The following CHSY3 variants were observed in gnomAD, a reference collection of about 807,000 sequenced individuals.
The protein encoded by CHSY3 is chondroitin sulfate synthase 3.
Under a neutral mutation model 67.2 loss-of-function variants are expected in CHSY3, and 35 were observed. That is an observed-to-expected ratio of 0.52 (90% CI 0.40 to 0.69). The LOEUF (loss-of-function observed/expected upper bound fraction) is 0.69, where lower values mean the gene tolerates loss of function less well. Ranked by LOEUF, CHSY3 falls within the 30% of genes least tolerant of loss-of-function variation. The pLI, the probability that CHSY3 is intolerant of heterozygous loss-of-function variation, is 0.00. For missense variants in CHSY3, 1,069 were observed against 1,138.5 expected (o/e 0.94, Z 0.88); for synonymous variants, 474 against 434.7 (o/e 1.09, Z -1.12).
intron 2 of CHSY3, among the ~76,000 whole-genome samples, chr5:130,057,916 G>C (rs1342357811): frequency 2.6e-5 from 4 of 152,098 alleles, no homozygotes; most frequent in Admixed American, 2.6e-4. Flanking sequence ...GAGAGAGAGA[G>C]AGAGAGAGAC....
intron 2 of CHSY3, among the ~76,000 whole-genome samples, chr5:130,015,491 C>T (rs1764194192): frequency 6.6e-6 from 1 of 152,158 alleles, no homozygotes; most frequent in Admixed American, 6.5e-5. Flanking sequence ...AAAAAATGTT[C>T]AGCGTCACTG....
intron 2 of CHSY3, among the ~76,000 whole-genome samples, chr5:129,953,964 G>A (rs1226893475): frequency 6.6e-6 from 1 of 152,040 alleles, no homozygotes; most frequent in Non-Finnish European, 1.5e-5. Context: ...CTTTTGCTGT[G>A]CAAAAGCTCT....
intron 2 of CHSY3, among the ~76,000 whole-genome samples, chr5:129,972,023 G>A (rs1762653883): frequency 6.6e-6 from 1 of 152,022 alleles, no homozygotes; most frequent in Non-Finnish European, 1.5e-5. Flanking sequence ...ACTTCTAACT[G>A]TGCCTTGTTT....
intron 2 of CHSY3, among the ~76,000 whole-genome samples, chr5:130,019,769 G>A (rs1014769685): frequency 1.3e-5 from 2 of 152,098 alleles, no homozygotes; most frequent in African/African-American, 2.4e-5. Flanking sequence ...TTTGAGCAAC[G>A]ACTAAAGGTT....
intron 2 of CHSY3, among the ~76,000 whole-genome samples, chr5:130,145,144 G>A (rs1311105283): frequency 6.6e-6 from 1 of 152,138 alleles, no homozygotes; most frequent in Non-Finnish European, 1.5e-5. Context: ...CCTCCCACCA[G>A]CCTCCACCTC....
chr5:129,944,178 G>C (rs1761779306), intron 2 of CHSY3, among the ~76,000 whole-genome samples: 1 of 152,180 alleles, frequency 6.6e-6, no homozygotes, highest in African/African-American at 2.4e-5. Flanking sequence ...CTGACATAAA[G>C]GTCTCCTTAC....
chr5:130,135,301 G>C (rs1355447000), intron 2 of CHSY3, among the ~76,000 whole-genome samples: 1 of 151,504 alleles, frequency 6.6e-6, no homozygotes. Flanking sequence ...CACACACCCT[G>C]TGCTGTACTT....
chr5:130,156,993 C>A (rs1272743053), intron 2 of CHSY3, among the ~76,000 whole-genome samples: 1 of 152,190 alleles, frequency 6.6e-6, no homozygotes, highest in Non-Finnish European at 1.5e-5. Flanking sequence ...TTTTCTAAAT[C>A]ACTTGGCTGG....
chr5:130,091,569 A>T (rs1766882042), intron 2 of CHSY3, among the ~76,000 whole-genome samples: 1 of 152,162 alleles, frequency 6.6e-6, no homozygotes, highest in Non-Finnish European at 1.5e-5. Context: ...TAGAACAAGA[A>T]CATGAATGGC....
intron 2 of CHSY3, among the ~76,000 whole-genome samples, chr5:129,918,683 GTTCCAGCATA>G (rs940476054): frequency 2.0e-5 from 3 of 152,102 alleles, no homozygotes; most frequent in Non-Finnish European, 4.4e-5. Context: ...AATGTGTTTG[GTTCCAGCATA>G]TGTACAGGTG....
At chr5:130,094,291 A>G (rs979397050) in intron 2 of CHSY3, among the ~76,000 whole-genome samples, 1 of 152,190 alleles carries the variant, frequency 6.6e-6, no homozygotes, top group Non-Finnish European at 1.5e-5. Context: ...CCCTAAAAAA[A>G]TCTACGGTGT....
chr5:129,997,107 T>C (rs1290634401), intron 2 of CHSY3, among the ~76,000 whole-genome samples: 1 of 138,466 alleles, frequency 7.2e-6, no homozygotes, highest in Non-Finnish European at 1.6e-5. Flanking sequence ...ATTTCTCAGA[T>C]GATTCAAAGC....
At chr5:130,030,731 G>T (rs1201311670) in intron 2 of CHSY3, among the ~76,000 whole-genome samples, 1 of 151,998 alleles carries the variant, frequency 6.6e-6, no homozygotes, top group Non-Finnish European at 1.5e-5. Flanking sequence ...CCTTCCAGGT[G>T]GACTCTACTA....
intron 2 of CHSY3, among the ~76,000 whole-genome samples, chr5:129,979,063 G>A (rs902719784): frequency 1.3e-4 from 19 of 151,610 alleles, no homozygotes; most frequent in Admixed American, 3.9e-4. Context: ...AGCCGGGTGT[G>A]GTGGTGGGCG....
chr5:129,962,413 AG>A (rs1478530180), intron 2 of CHSY3, among the ~76,000 whole-genome samples: 5 of 151,936 alleles, frequency 3.3e-5, no homozygotes, highest in African/African-American at 1.2e-4. Flanking sequence ...ACCCTCATCT[AG>A]GCTGGCATCA....
At chr5:130,069,305 C>A (rs1765985460) in intron 2 of CHSY3, among the ~76,000 whole-genome samples, 1 of 151,846 alleles carries the variant, frequency 6.6e-6, no homozygotes, top group African/African-American at 2.4e-5. Context: ...ATAAAATGAG[C>A]AGAAATGAAA....
chr5:129,973,345 C>A (rs919438206), intron 2 of CHSY3, among the ~76,000 whole-genome samples: 2 of 152,050 alleles, frequency 1.3e-5, no homozygotes, highest in Non-Finnish European at 2.9e-5. Context: ...AACTTACCCA[C>A]CTCTAACTAC....
chr5:129,905,885 C>T, intron 1 of CHSY3: 2 of 770,320 alleles, frequency 2.6e-6, no homozygotes, highest in Non-Finnish European at 3.9e-6. Flanking sequence ...TTTTCGGTGC[C>T]GCCTCGCGCT....
chr5:130,022,878 T>C (rs1391274456), intron 2 of CHSY3, among the ~76,000 whole-genome samples: 1 of 151,930 alleles, frequency 6.6e-6, no homozygotes, highest in Non-Finnish European at 1.5e-5. Context: ...CTAAAAGGGG[T>C]CCATGAAACT....
Sources: allele counts gnomAD v4.1 joint callset (sites outside exome capture counted in the v4.1 genomes callset), GRCh38; gene constraint gnomAD v4.1.1; transcripts MANE v1.5; gene names NCBI Gene and HGNC (gene_info 2026-07-23, HGNC 2026-07-21).